CECR2: variants seen among roughly 807,000 people sequenced by gnomAD.
CECR2 encodes the protein chromatin remodeling regulator CECR2.
Under a neutral mutation model 154.5 loss-of-function variants are expected in CECR2, and 30 were observed. That is an observed-to-expected ratio of 0.19 (90% CI 0.15 to 0.26). The LOEUF is 0.26. Among genes scored for constraint, CECR2 ranks in the 10% least tolerant of loss-of-function variants. The pLI is 1.00. For missense variants in CECR2, 1,743 were observed against 1,829.3 expected, an observed-to-expected ratio of 0.95 and a Z score of 0.86; for synonymous variants, 725 against 683.7, an observed-to-expected ratio of 1.06 and a Z score of -0.94.
intron 1 of CECR2, among the ~76,000 whole-genome samples, chr22:17,395,635 C>T (rs553949452): frequency 2.0e-5 from 3 of 152,148 alleles, no homozygotes; most frequent in South Asian, 2.1e-4. Flanking sequence ...GGTGAGCCAC[C>T]GTGCCCAGCT....
chr22:17,443,749 T>C (rs2054617548), intron 1 of CECR2, among the ~76,000 whole-genome samples: 1 of 152,154 alleles, frequency 6.6e-6, no homozygotes, highest in Non-Finnish European at 1.5e-5. Context: ...TGGTTTAGCC[T>C]ACTTTATCTT....
At chr22:17,476,595 A>G (rs2055211915) in intron 1 of CECR2, among the ~76,000 whole-genome samples, 1 of 152,198 alleles carries the variant, frequency 6.6e-6, no homozygotes, top group African/African-American at 2.4e-5. Context: ...TGTTAAGATC[A>G]CAACTTGCAT....
At chr22:17,524,446 G>A in intron 9 of CECR2, 175 bp downstream of exon 9, 1 of 672,518 alleles carries the variant, frequency 1.5e-6, no homozygotes, top group East Asian at 3.4e-5. Context: ...AGGCTGGAGT[G>A]CAGTGGCGTG....
chr22:17,537,205 T>C lies in CECR2; in HGVS notation c.1211T>C (p.Met404Thr). 1 of 1,613,492 alleles carries C rather than the reference T, an allele frequency of 6.2e-7. No individual in the cohort carries two copies. Among genetic ancestry groups the C allele is most frequent in the Non-Finnish European group, 8.5e-7 (1 of 1,179,690 alleles). Residue 404 changes from methionine (M) to threonine (T), a missense_variant, in exon 10 of 19, where the codon ATG becomes ACG. Physicochemically the swap from Met to Thr is moderately conservative, Grantham distance 81 (BLOSUM62 -1). Coordinates refer to ENST00000262608, the MANE Select transcript of CECR2 (RefSeq NM_001290047.2). ...TCCCATCTGGACCCCAATTCCCCCA[T>C]GAGAGAGGAAAAAAAGACTAAAGAC... ...ELSHLDPNSPMREEKKTKDLF... is the reference protein window; with the variant it reads ...ELSHLDPNSPTREEKKTKDLF...
chr22:17,533,700 T>TTTTG (rs34947830), intron 9 of CECR2, among the ~76,000 whole-genome samples: 46,868 of 149,960 alleles, frequency 0.31, 7,909 homozygotes, highest in East Asian at 0.49. Context: ...AAGGGCCTTT[T>TTTTG]TTTGTTTGTT....
At chr22:17,519,777 G>T (rs174305) in intron 8 of CECR2, among the ~76,000 whole-genome samples, 25,760 of 150,810 alleles carry the variant, frequency 0.17, 2,338 homozygotes, top group Non-Finnish European at 0.2. Flanking sequence ...TTCCTATGTT[G>T]GTTTAGATTA....
In CECR2 at chr22:17,404,364, CTTTCTTTTTTTTTT is replaced by C. The variant is rs2053946369; in HGVS notation, c.126+34459_126+34472del. ...TGTGGGTTCATTTCTGGACCCTGTTCTTTCTTTTTTTTTTTTTTTTTTTTTTTGAGACGGAGTCT... is the reference window on the plus strand; with the variant it reads ...TGTGGGTTCATTTCTGGACCCTGTTCTTTTTTTTTTTTTGAGACGGAGTCT... On this transcript the variant is annotated intron_variant, in intron 1 of 18. Coordinates refer to ENST00000262608, the MANE Select transcript of CECR2 (RefSeq NM_001290047.2). Among the ~76,000 whole-genome samples, 3 of 59,626 alleles carry C rather than the reference CTTTCTTTTTTTTTT, an allele frequency of 5.0e-5. 1 individual carries two copies. The highest frequency in any genetic ancestry group is 1.5e-4 in the African/African-American group (2 of 13,314). The allele number at this position is 59,626 out of a possible 152,430, so 39.1% of individuals were successfully genotyped here.
At chr22:17,428,872 G>T (rs140817960) in intron 1 of CECR2, among the ~76,000 whole-genome samples, 1 of 150,998 alleles carries the variant, frequency 6.6e-6, no homozygotes, top group Non-Finnish European at 1.5e-5. Flanking sequence ...GGGAATAGGC[G>T]TGGTGGGGTA....
At chr22:17,376,641 T>G (rs1370555917) in intron 1 of CECR2, among the ~76,000 whole-genome samples, 1 of 146,906 alleles carries the variant, frequency 6.8e-6, no homozygotes, top group Non-Finnish European at 1.5e-5. Flanking sequence ...TTTCTTTTTT[T>G]TTGTTTTTTT....
Position 17,545,042 on chromosome 22 carries a change from C to G in CECR2, c.2860+2039C>G, listed in dbSNP as rs565871485. Reference sequence around the variant, plus strand: ...CATACCTGGATTTATTAAGAATGGCCAATAGTGAGATCTAGCAAATCTTGA... The same window carrying G: ...CATACCTGGATTTATTAAGAATGGCGAATAGTGAGATCTAGCAAATCTTGA... On this transcript the variant is annotated intron_variant, in intron 16 of 18. Transcript: ENST00000262608. Among the ~76,000 whole-genome samples, 9 of 151,840 alleles carry G rather than the reference C, an allele frequency of 5.9e-5. No individual in the cohort carries two copies. The East Asian group carries it at 1.7e-3, about 29-fold the overall frequency.
intron 8 of CECR2, among the ~76,000 whole-genome samples, chr22:17,516,278 T>C (rs1350072259): frequency 7.4e-6 from 1 of 135,098 alleles, no homozygotes; most frequent in Non-Finnish European, 1.6e-5. Flanking sequence ...TACACATTTA[T>C]TATATTATAT....
intron 8 of CECR2, among the ~76,000 whole-genome samples, chr22:17,522,356 G>T (rs910424000): frequency 6.6e-6 from 1 of 152,170 alleles, no homozygotes; most frequent in Non-Finnish European, 1.5e-5. Flanking sequence ...TTGGAAGTGG[G>T]GTGGAAGTGA....
chr22:17,363,470 AG>A (rs1279133960), intron 1 of CECR2, among the ~76,000 whole-genome samples: 1 of 152,092 alleles, frequency 6.6e-6, no homozygotes, highest in Non-Finnish European at 1.5e-5. Context: ...GGCCTCCCAA[AG>A]TGGTGGAATT....
intron 1 of CECR2, among the ~76,000 whole-genome samples, chr22:17,402,948 G>A (rs1189220866): frequency 6.6e-6 from 1 of 151,918 alleles, no homozygotes; most frequent in Non-Finnish European, 1.5e-5. Context: ...GTAGAGACGG[G>A]GTTTCTCCAT....
chr22:17,455,644 C>T (rs1455431361), intron 1 of CECR2, among the ~76,000 whole-genome samples: 1 of 152,114 alleles, frequency 6.6e-6, no homozygotes, highest in African/African-American at 2.4e-5. Flanking sequence ...AGACAGAGTC[C>T]CCTCTGTTGC....
chr22:17,479,602 T>G (rs1047638469), intron 2 of CECR2, among the ~76,000 whole-genome samples: 3 of 152,274 alleles, frequency 2.0e-5, no homozygotes, highest in Non-Finnish European at 4.4e-5. Flanking sequence ...TCCTTCTGTT[T>G]AAAATTGATC....
chr22:17,430,929 T>A (rs2054411935), intron 1 of CECR2, among the ~76,000 whole-genome samples: 1 of 152,194 alleles, frequency 6.6e-6, no homozygotes, highest in South Asian at 2.1e-4. Flanking sequence ...CCAGATTAAC[T>A]CTGTTAGTTT....
intron 1 of CECR2, among the ~76,000 whole-genome samples, chr22:17,445,941 T>C (rs1001164490): frequency 6.6e-6 from 1 of 152,178 alleles, no homozygotes; most frequent in Non-Finnish European, 1.5e-5. Context: ...GCTATATGCA[T>C]AGCTGTTACA....
chr22:17,367,466 ATC>A (rs2146425289), upstream of CECR2, among the ~76,000 whole-genome samples: 1 of 151,998 alleles, frequency 6.6e-6, no homozygotes, highest in Admixed American at 6.6e-5. Flanking sequence ...GCTCATTGCA[ATC>A]TCTGCCTCCC....
Sources: gnomAD v4.1 joint callset for allele counts (sites outside exome capture counted in the v4.1 genomes callset) on GRCh38, gnomAD v4.1.1 for gene constraint, MANE v1.5 for transcripts, NCBI Gene and HGNC (gene_info 2026-07-23, HGNC 2026-07-21) for gene names.